The following PSD3 variants were observed in gnomAD, a reference collection of about 807,000 sequenced individuals.
PSD3 encodes the protein PH and SEC7 domain-containing protein 3.
PSD3 carries 49 observed loss-of-function variants against 105.5 expected under a neutral mutation model. The ratio of observed to expected loss-of-function variants is 0.46; its 90% CI spans 0.37 to 0.59. The LOEUF is 0.59. PSD3 is among the 20% of genes least tolerant of loss of function. PSD3 has a pLI of 0.00. For synonymous variants in PSD3, 557 were observed against 457.8 expected (o/e 1.22, Z -2.77); for missense variants, 1,561 against 1,263.8 (o/e 1.24, Z -3.57).
Position 18,876,269 on chromosome 8 carries a change from C to T in PSD3, c.131-3536G>A, listed in dbSNP as rs568053218. ...TATTGCCAAATAATGTTTCATCATACGGGAGCAGTCTTTTCTTTGGCCATT... is the reference window on the plus strand; with the variant it reads ...TATTGCCAAATAATGTTTCATCATATGGGAGCAGTCTTTTCTTTGGCCATT... On this transcript the variant is annotated intron_variant, in intron 2 of 15. Coordinates refer to ENST00000327040, the MANE Select transcript of PSD3 (RefSeq NM_015310.4). 7.9e-5 allele frequency among the ~76,000 whole-genome samples: 12 copies of T among 152,244 alleles called. No homozygotes were observed. In the East Asian group the frequency reaches 1.5e-3, roughly 20 times the overall value.
intron 1 of PSD3, among the ~76,000 whole-genome samples, chr8:18,950,684 C>A (rs1823180412): frequency 6.6e-6 from 1 of 152,074 alleles, no homozygotes; most frequent in South Asian, 2.1e-4. Context: ...TCACTTTGTA[C>A]CCCATAAATA....
intron 1 of PSD3, among the ~76,000 whole-genome samples, chr8:18,952,281 T>C (rs1293924831): frequency 6.6e-6 from 1 of 152,186 alleles, no homozygotes; most frequent in African/African-American, 2.4e-5. Flanking sequence ...TATCTTTACA[T>C]CCATAATTGG....
Position 18,942,132 on chromosome 8 carries a change from T to C in PSD3, c.22-5990A>G, listed in dbSNP as rs989394919. On this transcript the variant is annotated intron_variant, in intron 1 of 15. Transcript: ENST00000327040. ...TGAGGAGGGAGAAAAAGGTTAAGAG[T>C]AGAGTTTGAGAAAGGTGGCATGCTC... is the stretch of plus-strand genomic sequence containing the variant. Among the ~76,000 whole-genome samples the C allele has an allele frequency of 3.3e-5, 5 of 151,952 alleles. No individual in the cohort carries two copies. In the East Asian group the frequency reaches 5.8e-4, roughly 18 times the overall value.
At chr8:18,735,597 A>G (rs541033248) in intron 9 of PSD3, among the ~76,000 whole-genome samples, 36 of 152,304 alleles carry the variant, frequency 2.4e-4, no homozygotes, top group Admixed American at 8.5e-4. Flanking sequence ...ACAGATTTCT[A>G]TCTCCTGGTA....
At chr8:19,025,221 G>T (rs922378670) in intron 1 of PSD3, among the ~76,000 whole-genome samples, 7 of 152,140 alleles carry the variant, frequency 4.6e-5, no homozygotes, top group African/African-American at 1.7e-4. Flanking sequence ...ACCCACTAGT[G>T]CCATAATAGT....
chr8:18,671,479 A>G (rs1429528326), intron 9 of PSD3, among the ~76,000 whole-genome samples: 1 of 152,214 alleles, frequency 6.6e-6, no homozygotes, highest in Admixed American at 6.5e-5. Context: ...GAGGTAATGT[A>G]GTTATGATCT....
At chr8:18,681,204 G>A (rs1355128298) in intron 9 of PSD3, among the ~76,000 whole-genome samples, 2 of 152,156 alleles carry the variant, frequency 1.3e-5, no homozygotes, top group African/African-American at 4.8e-5. Flanking sequence ...AAGATGACAT[G>A]AGAGGGTGGA....
chr8:18,814,039 C>T (rs1011270828), intron 4 of PSD3, among the ~76,000 whole-genome samples: 3 of 152,218 alleles, frequency 2.0e-5, no homozygotes, highest in African/African-American at 4.8e-5. Context: ...TTAGGACAAA[C>T]GTCTCAAATG....
At chr8:18,848,892 C>T (rs1815340656) in intron 4 of PSD3, among the ~76,000 whole-genome samples, 1 of 152,130 alleles carries the variant, frequency 6.6e-6, no homozygotes, top group Non-Finnish European at 1.5e-5. Flanking sequence ...TTCTTGGTTC[C>T]CTCATGTTTA....
chr8:18,886,229 GAAT>G (rs1344679476), intron 2 of PSD3, among the ~76,000 whole-genome samples: 1 of 152,060 alleles, frequency 6.6e-6, no homozygotes, highest in Admixed American at 6.5e-5. Flanking sequence ...TTACAGGTAA[GAAT>G]AATATTTTGC....
intron 1 of PSD3, chr8:19,000,860 C>T (rs1266490006): frequency 6.6e-6 from 1 of 151,852 alleles, no homozygotes; most frequent in East Asian, 1.9e-4. Flanking sequence ...TGGGGTTTAA[C>T]TCATTCGCTA....
intron 12 of PSD3, among the ~76,000 whole-genome samples, chr8:18,578,110 C>G (rs899047871): frequency 6.6e-6 from 1 of 151,304 alleles, no homozygotes; most frequent in Non-Finnish European, 1.5e-5. Context: ...AAGTCCAATG[C>G]CAATCTAATT....
intron 9 of PSD3, among the ~76,000 whole-genome samples, chr8:18,738,977 A>G (rs531290067): frequency 7.0e-4 from 106 of 152,304 alleles, no homozygotes; most frequent in Non-Finnish European, 1.2e-3. Flanking sequence ...TTTTCCTTTT[A>G]AGAAGAACCT....
At chr8:18,880,609 A>G (rs1818043381) in intron 2 of PSD3, among the ~76,000 whole-genome samples, 1 of 152,176 alleles carries the variant, frequency 6.6e-6, no homozygotes, top group Non-Finnish European at 1.5e-5. Context: ...ATCCATGCCC[A>G]TCATCTCCTC....
intron 1 of PSD3, among the ~76,000 whole-genome samples, chr8:19,042,516 A>T (rs1210177084): frequency 6.6e-6 from 1 of 152,238 alleles, no homozygotes; most frequent in African/African-American, 2.4e-5. Flanking sequence ...CCACTAGCAA[A>T]GTAGGGTTTT....
At chr8:19,053,218 T>C (rs1362281958) in intron 1 of PSD3, among the ~76,000 whole-genome samples, 2 of 152,110 alleles carry the variant, frequency 1.3e-5, no homozygotes, top group Non-Finnish European at 2.9e-5. Context: ...AGGGGATGAC[T>C]GGAGTAACGT....
intron 9 of PSD3, among the ~76,000 whole-genome samples, chr8:18,726,753 C>T (rs1803359468): frequency 6.6e-6 from 1 of 152,184 alleles, no homozygotes; most frequent in South Asian, 2.1e-4. Flanking sequence ...ATGCAAAATA[C>T]CTTCATTCCA....
At chr8:18,714,783 T>G (rs1188123412) in intron 9 of PSD3, among the ~76,000 whole-genome samples, 1 of 152,218 alleles carries the variant, frequency 6.6e-6, no homozygotes, top group Admixed American at 6.5e-5. Context: ...TTACTGGGTA[T>G]ATACCCAAAG....
intron 2 of PSD3, among the ~76,000 whole-genome samples, chr8:18,900,011 A>G (rs334740): frequency 0.028 from 4,320 of 152,130 alleles, 188 homozygotes; most frequent in African/African-American, 0.099. Flanking sequence ...TTTTTCTACA[A>G]GAAAAAAAAG....
Sources: gnomAD v4.1 joint callset for allele counts (sites outside exome capture counted in the v4.1 genomes callset) on GRCh38, gnomAD v4.1.1 for gene constraint, MANE v1.5 for transcripts, NCBI Gene and HGNC (gene_info 2026-07-23, HGNC 2026-07-21) for gene names.